UBAP1L: variants seen among roughly 807,000 people sequenced by gnomAD.
UBAP1L encodes ubiquitin associated protein 1 like.
A neutral mutation model predicts 32.1 loss-of-function variants in UBAP1L; 32 were observed. The observed-to-expected ratio is 1.00, with a 90% confidence interval of 0.75 to 1.34. The LOEUF (loss-of-function observed/expected upper bound fraction) is 1.34. UBAP1L is among the 40% of genes most tolerant of loss of function. UBAP1L has a pLI of 0.00. For missense variants in UBAP1L, 516 were observed against 540.5 expected, an observed-to-expected ratio of 0.95 and a Z score of 0.45; for synonymous variants, 243 against 250.2, an observed-to-expected ratio of 0.97 and a Z score of 0.27.
chr15:65,114,044 G>A (rs1453534216), intron 1 of UBAP1L, among the ~76,000 whole-genome samples: 3 of 151,784 alleles, frequency 2.0e-5, no homozygotes, highest in Non-Finnish European at 4.4e-5. Context: ...CTGCCACCAC[G>A]CCCGCTAATT....
rs1466898983 is a variant in UBAP1L at position 65,099,592 on chromosome 15, G to A, written c.822C>T (p.Asp274=). ...CCAGGGCGACCACTGGCCCAATGAGGTCTTGCTCCTCCTGGCTCAGGGCGG... is the reference window on the plus strand; with the variant it reads ...CCAGGGCGACCACTGGCCCAATGAGATCTTGCTCCTCCTGGCTCAGGGCGG... ...LLSALSQEEQ[D]LIGPVVALGY... is the part of the protein sequence containing the mutation. The change falls in exon 4 of 6, where the codon GAC becomes GAT. Residue 274 remains aspartate (D), a synonymous_variant. Transcript: ENST00000559089. 1.3e-6 allele frequency: 2 copies of A among 1,551,528 alleles called. No homozygotes were observed. The highest frequency in any genetic ancestry group is 8.7e-7 in the Non-Finnish European group (1 of 1,146,992).
Position 65,102,489 on chromosome 15 carries a change from C to T in UBAP1L, c.316G>A (p.Glu106Lys). The change falls in exon 3 of 6, where the codon GAG becomes AAG. Residue 106 changes from glutamate (E) to lysine (K), a missense_variant. Glu to Lys is a moderately conservative substitution (Grantham distance 56). Transcript: ENST00000559089. This position sits in a 1 kb window ranked among gnomAD's most constrained non-coding sequence, Gnocchi z 5.0. ...DPEAGHQERP[E>K]EEGEDEAEAS... is the part of the protein sequence containing the mutation. ...TCTGCCTCGTCCTCACCCTCCTCCT[C>T]CGGCCTCTCCTGGTGTCCGGCCTCC... The T allele has an allele frequency of 6.9e-7, 1 of 1,452,126 alleles. No individual in the cohort carries two copies. 90.0% of individuals were successfully genotyped at this position (1,452,126 alleles called of 1,614,324 possible).
intron 3 of UBAP1L, among the ~76,000 whole-genome samples, chr15:65,101,862 T>TA (rs1423918058): frequency 6.6e-6 from 1 of 151,624 alleles, no homozygotes; most frequent in African/African-American, 2.4e-5. Flanking sequence ...ACCTGCTCCC[T>TA]AAAAAAAAGC....
At chr15:65,107,961 T>C (rs912863743) in intron 1 of UBAP1L, among the ~76,000 whole-genome samples, 1 of 152,050 alleles carries the variant, frequency 6.6e-6, no homozygotes, top group Non-Finnish European at 1.5e-5. Context: ...TGTATCAAAA[T>C]TCCATCACTT....
chr15:65,105,339 C>A (rs2087296603), intron 2 of UBAP1L, among the ~76,000 whole-genome samples: 1 of 151,910 alleles, frequency 6.6e-6, no homozygotes, highest in South Asian at 2.1e-4. Context: ...ATTAGCCAAG[C>A]ATAGTGGCAT....
chr15:65,106,633 T>C (rs1242207720), intron 1 of UBAP1L, among the ~76,000 whole-genome samples: 2 of 134,874 alleles, frequency 1.5e-5, no homozygotes, highest in African/African-American at 5.2e-5. Context: ...GATTTTAGCA[T>C]AACCTTTTTT....
intron 2 of UBAP1L, chr15:65,104,860 A>T (rs1255063330): frequency 2.8e-6 from 1 of 363,240 alleles, no homozygotes; most frequent in Non-Finnish European, 5.4e-6. Context: ...ACAAAAAATT[A>T]GCTGGCTTTG....
At chr15:65,114,360 GTCTT>G (rs551079638) in intron 1 of UBAP1L, among the ~76,000 whole-genome samples, 3 of 152,092 alleles carry the variant, frequency 2.0e-5, no homozygotes, top group Non-Finnish European at 4.4e-5. Context: ...TCAGAACCAT[GTCTT>G]TCTTTCAAAG....
chr15:65,093,947 C>T (rs745841734), intron 5 of UBAP1L, among the ~76,000 whole-genome samples: 20 of 152,064 alleles, frequency 1.3e-4, no homozygotes, highest in Non-Finnish European at 1.9e-4. Flanking sequence ...CTTGGGAGAC[C>T]GAGGCGGGAG....
At chr15:65,103,882 G>T (rs895846674) in intron 2 of UBAP1L, among the ~76,000 whole-genome samples, 8 of 152,018 alleles carry the variant, frequency 5.3e-5, no homozygotes, top group African/African-American at 1.9e-4. Flanking sequence ...CACTCAGAGG[G>T]ATTAAAAAAA....
At position 65,106,221 on chromosome 15, in the gene UBAP1L, CA is replaced by C; in HGVS notation, c.-7del. On this transcript the variant is annotated 5_prime_UTR_variant, in exon 2 of 6. Coordinates refer to ENST00000559089, the MANE Select transcript of UBAP1L (RefSeq NM_001163692.2). ...ACACCATCGAGGGCATTCATTCTGT[CA>C]GGAGTGTGGAGATGGCTGGCAGGGC... The C allele has an allele frequency of 6.5e-7, 1 of 1,537,316 alleles. No homozygotes were observed. Among genetic ancestry groups the C allele is most frequent in the South Asian group, 1.2e-5 (1 of 81,396 alleles).
At position 65,094,588 on chromosome 15, in the gene UBAP1L, G is replaced by A. The variant is rs1354118080; in HGVS notation, c.910-12C>T. The A allele has an allele frequency of 6.5e-7, 1 of 1,548,348 alleles. No individual in the cohort carries two copies. Among genetic ancestry groups the A allele is most frequent in the Non-Finnish European group, 8.7e-7 (1 of 1,144,426 alleles). On this transcript the variant is annotated splice_polypyrimidine_tract_variant and intron_variant, in intron 4 of 5. Transcript: ENST00000559089. The surrounding 1 kb of genome is among the most constrained non-coding windows in gnomAD (Gnocchi z 4.2). ...AGGTAGCTGAGAAACTGGGCCGGAA[G>A]CGGGCAGAGAGGGAGGGAGGGTAAG...
At chr15:65,099,923 C>T (rs2087221382) in intron 3 of UBAP1L, 1 of 497,582 alleles carries the variant, frequency 2.0e-6, no homozygotes, top group Non-Finnish European at 3.6e-6. Flanking sequence ...TAAGCTACTT[C>T]ACGGGACTAT....
At position 65,094,834 on chromosome 15, in the gene UBAP1L, G is replaced by T; in HGVS notation, c.910-258C>A. The T allele has an allele frequency of 1.9e-6, 1 of 525,020 alleles. No individual in the cohort carries two copies. Among genetic ancestry groups the T allele is most frequent in the South Asian group, 2.1e-5 (1 of 47,608 alleles). 32.5% of individuals were successfully genotyped at this position (525,020 alleles called of 1,614,324 possible). A position where few individuals can be genotyped will look rare whatever the true frequency, so the allele number is the denominator to read the frequency against. ...CTGGACTCCAGGAAAAGGGCTGTCAGGGTGGGCTAGGGTGTTCATAGAACC... is the reference window on the plus strand; with the variant it reads ...CTGGACTCCAGGAAAAGGGCTGTCATGGTGGGCTAGGGTGTTCATAGAACC... On this transcript the variant is annotated intron_variant, in intron 4 of 5. Transcript: ENST00000559089. This position sits in a 1 kb window ranked among gnomAD's most constrained non-coding sequence, Gnocchi z 4.2.
intron 2 of UBAP1L, among the ~76,000 whole-genome samples, chr15:65,103,158 A>G (rs1158041671): frequency 6.6e-6 from 1 of 152,186 alleles, no homozygotes; most frequent in East Asian, 1.9e-4. Context: ...CACCAAGGTT[A>G]CTTTGGGGTC....
At chr15:65,098,596 G>A (rs2087205167) in intron 4 of UBAP1L, 1 of 152,162 alleles carries the variant, frequency 6.6e-6, no homozygotes, top group South Asian at 2.1e-4. Context: ...GGCCTCAAGA[G>A]GCCTCAAGAG....
intron 1 of UBAP1L, among the ~76,000 whole-genome samples, chr15:65,112,180 G>C (rs1044727935): frequency 3.3e-5 from 5 of 152,208 alleles, no homozygotes; most frequent in Non-Finnish European, 5.9e-5. Flanking sequence ...TGAAAGAACA[G>C]CCTGTGAGCA....
rs560971925 is a variant in UBAP1L, at chr15:65,094,540, G to T, written c.946C>A (p.Arg316Ser). The T allele has an allele frequency of 4.5e-6, 7 of 1,551,492 alleles. No homozygotes were observed. Among genetic ancestry groups the T allele is most frequent in the Non-Finnish European group, 6.1e-6 (7 of 1,146,968 alleles). Reference sequence around the variant, plus strand: ...ACCAGGCCTTCCTCATATCCCTGACGTAACAGGCGGTCACAGGCACTGAGG... The same window carrying T: ...ACCAGGCCTTCCTCATATCCCTGACTTAACAGGCGGTCACAGGCACTGAGG... ...SYLSACDRLLRQGYEEGLVDE... is the reference protein window; with the variant it reads ...SYLSACDRLLSQGYEEGLVDE... Residue 316 changes from arginine to serine, a missense_variant, in exon 5 of 6, where the codon CGT (arginine) becomes AGT (serine). By Grantham distance (110) the Arg-to-Ser change is moderately radical. Transcript: ENST00000559089. The surrounding 1 kb of genome is among the most constrained non-coding windows in gnomAD (Gnocchi z 4.2).
At chr15:65,098,581 G>T (rs751454606) in intron 4 of UBAP1L, 1 of 152,130 alleles carries the variant, frequency 6.6e-6, no homozygotes, top group Non-Finnish European at 1.5e-5. Flanking sequence ...TACAATTTCA[G>T]CCAAGGCCTC....
Sources: gnomAD v4.1 joint callset for allele counts (sites outside exome capture counted in the v4.1 genomes callset) on GRCh38, gnomAD v4.1.1 for gene constraint, Gnocchi (gnomAD v3.1) non-coding constraint, MANE v1.5 for transcripts, NCBI Gene and HGNC (gene_info 2026-07-23, HGNC 2026-07-21) for gene names.